Variants in ARRDC2 observed in about 807,000 individuals in gnomAD.
ARRDC2 encodes the protein arrestin domain containing 2.
ARRDC2 carries 39 observed loss-of-function variants against 38.9 expected under a neutral mutation model. That is an observed-to-expected ratio of 1.00 (90% CI 0.78 to 1.31). The LOEUF (loss-of-function observed/expected upper bound fraction) is 1.31. ARRDC2 is among the 50% of genes most tolerant of loss of function. ARRDC2 has a pLI of 0.00. For synonymous variants in ARRDC2, 300 were observed against 261.9 expected (o/e 1.15, Z -1.41); for missense variants, 553 against 588.4 (o/e 0.94, Z 0.62).
At chr19:18,006,453 C>T (rs576768007), upstream of ARRDC2, among the ~76,000 whole-genome samples, 2 of 152,316 alleles carry the variant, frequency 1.3e-5, no homozygotes, top group African/African-American at 4.8e-5. Flanking sequence ...AGCGAAACCC[C>T]TTCTCCACCA....
At chr19:18,006,015 C>A (rs1348372759), upstream of ARRDC2, among the ~76,000 whole-genome samples, 5 of 151,676 alleles carry the variant, frequency 3.3e-5, no homozygotes, top group Non-Finnish European at 7.4e-5. Context: ...GCGCTCCCCA[C>A]ATCTCAGACG....
rs1157950010 is a variant in ARRDC2, at chr19:18,010,266, T to A, written c.920T>A (p.Leu307Ter). 1 of 1,613,900 alleles carries A rather than the reference T, an allele frequency of 6.2e-7. No homozygotes were observed. Among genetic ancestry groups the A allele is most frequent in the Non-Finnish European group, 8.5e-7 (1 of 1,180,034 alleles). The change falls in exon 6 of 8, where the codon TTG becomes TAG. Residue 307 changes from leucine (L) to a stop codon, truncating the protein, a stop_gained. Transcript: ENST00000222250. LOFTEE classifies it high-confidence loss of function. ...CCACTGGTGATCGGCACCATTCCCT[T>A]GCACCCTTTTGGCAGCCGTTCCTCC... ...ELPLVIGTIP[L>*]HPFGSRSSSV...
chr19:18,012,317 T>A (rs1360308626), intron 7 of ARRDC2, among the ~76,000 whole-genome samples: 1 of 151,590 alleles, frequency 6.6e-6, no homozygotes, highest in Non-Finnish European at 1.5e-5. Flanking sequence ...CTGGATGCAG[T>A]GGCTCATGCC....
At position 18,009,487 on chromosome 19, in the gene ARRDC2, G is replaced by T. The variant is rs1048440574; in HGVS notation, c.490-105G>T. ...TCCTGGATTGTTAAAAAGAAACCAA[G>T]CCCTGCCCAAAGTCCTCCCTCAGCT... On this transcript the variant is annotated intron_variant, in intron 3 of 7. Coordinates refer to ENST00000222250, the MANE Select transcript of ARRDC2 (RefSeq NM_015683.2). 1.2e-5 allele frequency: 12 copies of T among 1,032,198 alleles called. No individual in the cohort carries two copies. The Admixed American group carries it at 2.8e-4, about 24-fold the overall frequency. 63.9% of individuals were successfully genotyped at this position (1,032,198 alleles called of 1,614,324 possible).
intron 7 of ARRDC2, 111 bp downstream of exon 7, chr19:18,010,840 G>A (rs930046152): frequency 8.4e-7 from 1 of 1,197,528 alleles, no homozygotes; most frequent in South Asian, 1.5e-5. Flanking sequence ...TTTTAGACAG[G>A]GTCTTGCTCT....
At chr19:18,004,518 A>AT (rs2033234863), upstream of ARRDC2, among the ~76,000 whole-genome samples, 1 of 146,516 alleles carries the variant, frequency 6.8e-6, no homozygotes, top group East Asian at 2.4e-4. Context: ...AAGTGCTGGG[A>AT]TTACAGGCGT....
At chr19:18,010,174 C>A (rs375980710) in intron 5 of ARRDC2, 22 bp from the exon 6 acceptor site, 8 of 1,610,750 alleles carry the variant, frequency 5.0e-6, no homozygotes, top group Non-Finnish European at 6.8e-6. Context: ...TGGGCACCCT[C>A]CCTTATGGTT....
chr19:18,011,100 C>T (rs909961426), intron 7 of ARRDC2, among the ~76,000 whole-genome samples: 7 of 152,124 alleles, frequency 4.6e-5, no homozygotes, highest in Admixed American at 1.3e-4. Flanking sequence ...CCTGGTAGAG[C>T]GATTCTCCTG....
exon 1 of ARRDC2, chr19:18,001,403 G>C (rs1197227984): frequency 3.3e-6 from 4 of 1,220,602 alleles, no homozygotes; most frequent in Non-Finnish European, 4.1e-6. Context: ...CTGTGCGGCC[G>C]GGTGCTGCTG....
At chr19:18,008,889 G>T (rs890118153) in intron 2 of ARRDC2, 82 bp from the exon 3 acceptor site, 2 of 1,594,274 alleles carry the variant, frequency 1.3e-6, no homozygotes, top group Non-Finnish European at 1.7e-6. Flanking sequence ...CCCCTGGGAG[G>T]CCCCCGGAGT....
In ARRDC2 at chr19:18,012,954, C is replaced by A. The variant is rs1208153753; in HGVS notation, c.1212C>A (p.Cys404Ter). The A allele has an allele frequency of 2.5e-6, 4 of 1,613,930 alleles. No homozygotes were observed. The East Asian group carries it at 8.9e-5, about 36-fold the overall frequency. The stretch of plus-strand genomic sequence containing the variant: ...TCTTGGGGGACATGAGGCCGCGCTG[C>A]ATGACTTGCTGAACGGCACAGGGAC... Reference protein sequence around the residue: ...NPLLGDMRPRCMTC With the variant: ...NPLLGDMRPR Residue 404 changes from cysteine to a stop codon, truncating the protein, a stop_gained, in exon 8 of 8, where the codon TGC (cysteine) becomes TGA (stop). Transcript: ENST00000222250. LOFTEE classifies it high-confidence loss of function.
chr19:18,009,714 G>C lies in ARRDC2; in HGVS notation c.592+20G>C. 1.9e-6 allele frequency: 3 copies of C among 1,612,646 alleles called. No homozygotes were observed. The highest frequency in any genetic ancestry group is 1.1e-5 in the South Asian group (1 of 91,026). On this transcript the variant is annotated intron_variant, in intron 4 of 7. Transcript: ENST00000222250. ...CCCCAGGTAGCAGGCGGACCGGACT[G>C]GGTTGGGACGGGGGCTGGTGTTGGG... is the stretch of plus-strand genomic sequence containing the variant.
intron 7 of ARRDC2, 49 bp downstream of exon 7, chr19:18,010,778 G>T (rs1298542672): frequency 4.4e-6 from 7 of 1,586,002 alleles, no homozygotes; most frequent in Non-Finnish European, 5.2e-6. Flanking sequence ...GGCCCTGGGA[G>T]CCTTGATGGG....
chr19:18,002,295 G>T (rs1263508360), intron 1 of ARRDC2, among the ~76,000 whole-genome samples: 2 of 152,356 alleles, frequency 1.3e-5, no homozygotes, highest in East Asian at 3.9e-4. Flanking sequence ...CAGAGGGGAA[G>T]AGATGAAGTG....
intron 6 of ARRDC2, 84 bp downstream of exon 6, chr19:18,010,442 C>G: frequency 6.4e-7 from 1 of 1,559,206 alleles, no homozygotes; most frequent in Non-Finnish European, 8.7e-7. Context: ...ACCACGAGTC[C>G]CCCGGAATCC....
intron 1 of ARRDC2, 24 bp from the exon 2 acceptor site, chr19:18,008,687 G>A (rs1218154830): frequency 5.0e-6 from 8 of 1,611,674 alleles, no homozygotes; most frequent in East Asian, 4.5e-5. Context: ...CCGCTCAGTC[G>A]CCTCCTTTTT....
chr19:18,012,926 C>T lies in ARRDC2; in HGVS notation c.1184C>T (p.Pro395Leu). The T allele has an allele frequency of 6.2e-7, 1 of 1,613,982 alleles. No individual in the cohort carries two copies. The highest frequency in any genetic ancestry group is 1.1e-5 in the South Asian group (1 of 91,048). ...CATTTCTCTTAGGAGGATCCAAACC[C>T]ACTCTTGGGGGACATGAGGCCGCGC... is the stretch of plus-strand genomic sequence containing the variant. ...PPLYSEEDPN[P>L]LLGDMRPRCM... The change falls in exon 8 of 8, where the codon CCA (proline) becomes CTA (leucine). Residue 395 changes from proline (P) to leucine (L), a missense_variant. Pro to Leu is a moderately conservative substitution (Grantham distance 98). Around this residue, in one of 3 missense-constraint regions of ARRDC2, gnomAD observed 100 missense variants for 107.6 expected, o/e 0.93. Transcript: ENST00000222250.
chr19:18,006,015 C>T (rs1348372759), upstream of ARRDC2, among the ~76,000 whole-genome samples: 3 of 151,676 alleles, frequency 2.0e-5, no homozygotes, highest in Non-Finnish European at 2.9e-5. Context: ...GCGCTCCCCA[C>T]ATCTCAGACG....
At chr19:18,010,434 C>T (rs560844846) in intron 6 of ARRDC2, 76 bp downstream of exon 6, 2 of 1,564,472 alleles carry the variant, frequency 1.3e-6, no homozygotes, top group Admixed American at 1.8e-5. Context: ...ACTCTCTCAC[C>T]ACGAGTCCCC....
Sources: allele counts gnomAD v4.1 joint callset (sites outside exome capture counted in the v4.1 genomes callset), GRCh38; gene constraint gnomAD v4.1.1; regional missense constraint gnomAD v4.1.1; transcripts MANE v1.5; gene names NCBI Gene and HGNC (gene_info 2026-07-23, HGNC 2026-07-21).